Variants in PTPRT observed in about 807,000 individuals in gnomAD.
PTPRT encodes the protein receptor-type tyrosine-protein phosphatase T.
In PTPRT, 56 loss-of-function variants were observed where a neutral mutation model predicts 176.8. The observed-to-expected ratio is 0.32, with a 90% CI of 0.26 to 0.40. PTPRT has a LOEUF of 0.40. Ranked by LOEUF, PTPRT falls within the 10% of genes least tolerant of loss-of-function variation. PTPRT has a pLI of 1.00. For missense variants in PTPRT, 1,540 were observed against 1,908.2 expected (o/e 0.81, Z 3.60); for synonymous variants, 783 against 739.0 (o/e 1.06, Z -0.96).
At chr20:42,489,466 T>G (rs1338466935) in intron 7 of PTPRT, among the ~76,000 whole-genome samples, 6 of 152,180 alleles carry the variant, frequency 3.9e-5, no homozygotes, top group Non-Finnish European at 7.4e-5. Flanking sequence ...CATCAGATTT[T>G]GGGGTCATTT....
chr20:42,344,255 G>A lies in PTPRT; in HGVS notation c.1865+6373C>T, dbSNP rs567385313. ...GCAATTTACACAGTTTAGCTTATTCGACCTTCAAAACAATCTGTGATGTAG... is the reference window on the plus strand; with the variant it reads ...GCAATTTACACAGTTTAGCTTATTCAACCTTCAAAACAATCTGTGATGTAG... On this transcript the variant is annotated intron_variant, in intron 11 of 30. Coordinates refer to ENST00000373187, the MANE Select transcript of PTPRT (RefSeq NM_007050.6). Among the ~76,000 whole-genome samples, 18 of 152,236 alleles carry A rather than the reference G, an allele frequency of 1.2e-4. No individual in the cohort carries two copies. In the East Asian group the frequency reaches 3.1e-3, roughly 26 times the overall value.
intron 6 of PTPRT, among the ~76,000 whole-genome samples, chr20:42,754,113 A>G (rs1027560850): frequency 6.6e-6 from 1 of 152,178 alleles, no homozygotes; most frequent in African/African-American, 2.4e-5. Context: ...GAAAATACAC[A>G]TTCACTGAGA....
intron 1 of PTPRT, among the ~76,000 whole-genome samples, chr20:43,012,040 G>A (rs1398074012): frequency 1.3e-5 from 2 of 152,146 alleles, no homozygotes; most frequent in Non-Finnish European, 2.9e-5. Context: ...CTGCACTGTT[G>A]GCTTCCCTAC....
At chr20:42,410,060 C>G (rs1351405181) in intron 9 of PTPRT, among the ~76,000 whole-genome samples, 1 of 152,032 alleles carries the variant, frequency 6.6e-6, no homozygotes, top group Non-Finnish European at 1.5e-5. Flanking sequence ...ACAACGGTAA[C>G]TATGATGTTT....
chr20:42,859,371 T>C (rs1441340694), intron 2 of PTPRT, among the ~76,000 whole-genome samples: 1 of 152,178 alleles, frequency 6.6e-6, no homozygotes, highest in Non-Finnish European at 1.5e-5. Context: ...CAGAAACTTT[T>C]TAAGTTGTTG....
intron 7 of PTPRT, among the ~76,000 whole-genome samples, chr20:42,658,558 C>A (rs1013189259): frequency 6.6e-6 from 1 of 152,192 alleles, no homozygotes; most frequent in African/African-American, 2.4e-5. Context: ...CTGACCCCAG[C>A]TAGTAATATG....
At chr20:42,747,425 G>A (rs2076706855) in intron 6 of PTPRT, among the ~76,000 whole-genome samples, 1 of 152,200 alleles carries the variant, frequency 6.6e-6, no homozygotes, top group Non-Finnish European at 1.5e-5. Context: ...TAGTAGGAAA[G>A]ATGGGTAATC....
intron 6 of PTPRT, among the ~76,000 whole-genome samples, chr20:42,690,173 G>C (rs2075768995): frequency 6.6e-6 from 1 of 152,076 alleles, no homozygotes; most frequent in South Asian, 2.1e-4. Context: ...GGGGAGCAGG[G>C]GTGGGGGGCC....
intron 7 of PTPRT, among the ~76,000 whole-genome samples, chr20:42,665,243 A>C (rs2075293696): frequency 6.6e-6 from 1 of 152,188 alleles, no homozygotes; most frequent in South Asian, 2.1e-4. Context: ...GAACTCAAAC[A>C]AATTTACAAG....
chr20:43,061,952 T>C (rs1172093143), intron 1 of PTPRT, among the ~76,000 whole-genome samples: 16 of 152,144 alleles, frequency 1.1e-4, no homozygotes, highest in Non-Finnish European at 8.8e-5. Context: ...GATACAACAA[T>C]GGGTGAAGCT....
intron 1 of PTPRT, among the ~76,000 whole-genome samples, chr20:42,988,018 T>C (rs954103767): frequency 6.6e-6 from 1 of 152,062 alleles, no homozygotes; most frequent in Admixed American, 6.5e-5. Flanking sequence ...CTTATTACAA[T>C]CGAATCTTGG....
intron 6 of PTPRT, among the ~76,000 whole-genome samples, chr20:42,717,136 T>G (rs1600655367): frequency 6.6e-6 from 1 of 151,614 alleles, no homozygotes; most frequent in Non-Finnish European, 1.5e-5. Flanking sequence ...TGTATACATA[T>G]GTAACTAACC....
At chr20:42,581,326 T>C (rs1412430126) in intron 7 of PTPRT, among the ~76,000 whole-genome samples, 1 of 152,228 alleles carries the variant, frequency 6.6e-6, no homozygotes, top group Non-Finnish European at 1.5e-5. Context: ...TTTCTCTTAC[T>C]ACCTTTTAGC....
chr20:42,200,567 CT>C (rs1568665610), intron 15 of PTPRT, among the ~76,000 whole-genome samples: 1 of 152,106 alleles, frequency 6.6e-6, no homozygotes, highest in African/African-American at 2.4e-5. Context: ...TTAAAAAGTT[CT>C]TTTCTATGGA....
the PTPRT span, among the ~76,000 whole-genome samples, chr20:42,045,657 T>C: frequency 1.3e-5 from 2 of 150,228 alleles, no homozygotes; most frequent in South Asian, 4.3e-4. Context: ...GGAAAGTCCT[T>C]TTTTTTTTCT....
In PTPRT at chr20:42,791,315, G is replaced by A. The variant is rs767399323; in HGVS notation, c.366C>T (p.Val122=). The change falls in exon 3 of 31, where the codon GTC becomes GTT. Residue 122 remains valine, a synonymous_variant. Coordinates refer to ENST00000373187, the MANE Select transcript of PTPRT (RefSeq NM_007050.6). Reference sequence around the variant, plus strand: ...GGGGGCCACCATTCACCTTCACGTAGACGTTCAAGGCCCCTGGGCTGGACC... The same window carrying A: ...GGGGGCCACCATTCACCTTCACGTAAACGTTCAAGGCCCCTGGGCTGGACC... ...RDRSSPGALN[V]YVKVNGGPQG... 3 of 1,614,196 alleles carry A rather than the reference G, an allele frequency of 1.9e-6. No homozygotes were observed. Among genetic ancestry groups the A allele is most frequent in the Admixed American group, 3.3e-5 (2 of 60,022 alleles).
chr20:42,764,133 T>C (rs1393957385), intron 5 of PTPRT, among the ~76,000 whole-genome samples: 1 of 152,152 alleles, frequency 6.6e-6, no homozygotes, highest in Non-Finnish European at 1.5e-5. Flanking sequence ...GTAAGATTTT[T>C]GTGGAGGGAG....
rs374358348 is a variant in PTPRT, at chr20:42,859,586, A to ATTTT, written c.214+26217_214+26220dup. 1.6e-4 allele frequency among the ~76,000 whole-genome samples: 20 copies of ATTTT among 127,674 alleles called. 1 individual carries two copies. Among genetic ancestry groups the ATTTT allele is most frequent in the South Asian group, 1.0e-3 (4 of 4,018 alleles). 83.8% of individuals were successfully genotyped at this position (127,674 alleles called of 152,430 possible). On this transcript the variant is annotated intron_variant, in intron 2 of 30. Transcript: ENST00000373187. ...CTCAGTTTGTTTATTTTTTTTTTTAATTTTTTTTTTTTTTTGAGATGGAGT... is the reference window on the plus strand; with the variant it reads ...CTCAGTTTGTTTATTTTTTTTTTTAATTTTTTTTTTTTTTTTTTTGAGATGGAGT...
chr20:43,050,534 G>C (rs1987002436), intron 1 of PTPRT, among the ~76,000 whole-genome samples: 1 of 152,164 alleles, frequency 6.6e-6, no homozygotes. Flanking sequence ...GTGGCTTTCT[G>C]CTCATACCAC....
Sources: gnomAD v4.1 joint callset for allele counts (sites outside exome capture counted in the v4.1 genomes callset) on GRCh38, gnomAD v4.1.1 for gene constraint, MANE v1.5 for transcripts, NCBI Gene and HGNC (gene_info 2026-07-23, HGNC 2026-07-21) for gene names.